Variants in HAO1 observed in about 807,000 individuals in gnomAD.
HAO1 encodes hydroxyacid oxidase 1.
A neutral mutation model predicts 39.7 loss-of-function variants in HAO1; 34 were observed. That is an observed-to-expected ratio of 0.86 (90% CI 0.65 to 1.14). The LOEUF is 1.14. Among genes scored for constraint, HAO1 ranks in the 50% most tolerant of loss-of-function variants. HAO1 has a pLI of 0.00. For synonymous variants in HAO1, 172 were observed against 173.2 expected (o/e 0.99, Z 0.05); for missense variants, 479 against 464.5 (o/e 1.03, Z -0.29).
At chr20:7,889,816 C>G (rs543419200) in intron 5 of HAO1, among the ~76,000 whole-genome samples, 3 of 152,268 alleles carry the variant, frequency 2.0e-5, no homozygotes, top group Non-Finnish European at 4.4e-5. Flanking sequence ...CAACACAATA[C>G]TGTGAAGATG....
At chr20:7,884,728 C>G (rs2122744477) in intron 7 of HAO1, among the ~76,000 whole-genome samples, 1 of 151,964 alleles carries the variant, frequency 6.6e-6, no homozygotes, top group South Asian at 2.1e-4. Flanking sequence ...TGACGGGAGT[C>G]AAACCATATG....
chr20:7,895,817 G>A (rs1431392571), intron 4 of HAO1, among the ~76,000 whole-genome samples: 1 of 152,136 alleles, frequency 6.6e-6, no homozygotes, highest in African/African-American at 2.4e-5. Context: ...GGAGGCCAAG[G>A]CGGGCAGATC....
intron 2 of HAO1, among the ~76,000 whole-genome samples, chr20:7,924,366 T>A (rs950910878): frequency 2.6e-5 from 4 of 152,158 alleles, no homozygotes; most frequent in African/African-American, 9.7e-5. Flanking sequence ...AAGCACAAGT[T>A]ATCAATTATA....
At chr20:7,892,832 A>G (rs1397043278) in intron 5 of HAO1, among the ~76,000 whole-genome samples, 3 of 152,140 alleles carry the variant, frequency 2.0e-5, no homozygotes, top group Non-Finnish European at 4.4e-5. Flanking sequence ...ATAGATATAT[A>G]AAGTTTTGTT....
chr20:7,890,703 A>G (rs532142924), intron 5 of HAO1, among the ~76,000 whole-genome samples: 3 of 151,994 alleles, frequency 2.0e-5, no homozygotes, highest in Admixed American at 6.5e-5. Context: ...GCCACCCCCT[A>G]TTCTTTCCCC....
chr20:7,928,827 C>T (rs2050373076), intron 2 of HAO1, among the ~76,000 whole-genome samples: 1 of 152,190 alleles, frequency 6.6e-6, no homozygotes, highest in Admixed American at 6.5e-5. Flanking sequence ...TTGGCCCACA[C>T]ATTGTTGCCC....
At chr20:7,910,553 G>T (rs1190136959) in intron 3 of HAO1, among the ~76,000 whole-genome samples, 1 of 151,944 alleles carries the variant, frequency 6.6e-6, no homozygotes, top group Admixed American at 6.6e-5. Flanking sequence ...TGCTTTCCCT[G>T]GTTCCTGACC....
intron 5 of HAO1, among the ~76,000 whole-genome samples, chr20:7,887,259 A>G (rs1312511550): frequency 6.6e-6 from 1 of 152,174 alleles, no homozygotes; most frequent in Non-Finnish European, 1.5e-5. Flanking sequence ...GTAAAAATCT[A>G]AATTAAGTAC....
At chr20:7,912,740 C>G (rs2050286004) in intron 3 of HAO1, among the ~76,000 whole-genome samples, 1 of 152,112 alleles carries the variant, frequency 6.6e-6, no homozygotes, top group South Asian at 2.1e-4. Context: ...GTTTAGGTAA[C>G]CCTGAGTCTG....
intron 2 of HAO1, among the ~76,000 whole-genome samples, chr20:7,933,450 T>C (rs2122799273): frequency 6.6e-6 from 1 of 152,296 alleles, no homozygotes; most frequent in African/African-American, 2.4e-5. Flanking sequence ...CCTTTTTTTT[T>C]CTTCTCTCTA....
chr20:7,918,865 A>C (rs938205420), intron 2 of HAO1, among the ~76,000 whole-genome samples: 5 of 152,200 alleles, frequency 3.3e-5, no homozygotes, highest in Admixed American at 3.3e-4. Context: ...TTGAAAGCAC[A>C]AATGTTTTAA....
chr20:7,888,798 G>T (rs1280244987), intron 5 of HAO1, among the ~76,000 whole-genome samples: 2 of 152,202 alleles, frequency 1.3e-5, no homozygotes, highest in Non-Finnish European at 2.9e-5. Flanking sequence ...CTTATGATTT[G>T]CTTTCATCAG....
rs566128799 is a variant in HAO1, at chr20:7,906,493, T to C, written c.546-164A>G. On this transcript the variant is annotated intron_variant, in intron 3 of 7. Transcript: ENST00000378789. Reference sequence around the variant, plus strand: ...TATTTTCCATATTTTGATGTAGGACTCTAGACTAAATGTGATACTCTAGTG... The same window carrying C: ...TATTTTCCATATTTTGATGTAGGACCCTAGACTAAATGTGATACTCTAGTG... 2.6e-4 allele frequency among the ~76,000 whole-genome samples: 39 copies of C among 152,342 alleles called. 1 individual carries two copies. The highest frequency in any genetic ancestry group is 2.4e-3 in the Admixed American group (37 of 15,304).
chr20:7,923,161 T>C (rs1466526470), intron 2 of HAO1, among the ~76,000 whole-genome samples: 2 of 152,090 alleles, frequency 1.3e-5, no homozygotes, highest in African/African-American at 4.8e-5. Flanking sequence ...AAAGAACTCA[T>C]CAAGTATGAA....
chr20:7,884,519 C>G (rs1221750386), intron 7 of HAO1, among the ~76,000 whole-genome samples: 1 of 152,130 alleles, frequency 6.6e-6, no homozygotes, highest in African/African-American at 2.4e-5. Flanking sequence ...TAAGAAAGTA[C>G]AATTTATGTG....
chr20:7,908,530 G>T (rs2050260120), intron 3 of HAO1, among the ~76,000 whole-genome samples: 1 of 152,104 alleles, frequency 6.6e-6, no homozygotes, highest in Non-Finnish European at 1.5e-5. Context: ...TAACACAGCT[G>T]GTTATGTAGC....
chr20:7,913,628 GT>G (rs1177616941), intron 3 of HAO1, among the ~76,000 whole-genome samples: 1 of 152,154 alleles, frequency 6.6e-6, no homozygotes, highest in Non-Finnish European at 1.5e-5. Context: ...GTGATATATT[GT>G]TTTTGCTAAG....
At chr20:7,903,667 C>G (rs1190812823) in intron 4 of HAO1, among the ~76,000 whole-genome samples, 2 of 136,038 alleles carry the variant, frequency 1.5e-5, no homozygotes, top group South Asian at 2.4e-4. Flanking sequence ...GTGGTGGTGG[C>G]AGTGGTGGTG....
At chr20:7,906,095 G>T in intron 4 of HAO1, 59 bp downstream of exon 4, 1 of 1,121,930 alleles carries the variant, frequency 8.9e-7, no homozygotes, top group South Asian at 1.3e-5. Context: ...AGAATATTAT[G>T]AACGTATCCA....
Sources: gnomAD v4.1 joint callset for allele counts (sites outside exome capture counted in the v4.1 genomes callset) on GRCh38, gnomAD v4.1.1 for gene constraint, MANE v1.5 for transcripts, NCBI Gene and HGNC (gene_info 2026-07-23, HGNC 2026-07-21) for gene names.